The following CPNE4 variants were observed in gnomAD, a reference collection of about 807,000 sequenced individuals.
CPNE4 encodes the protein copine-4.
In CPNE4, 25 loss-of-function variants were observed where a neutral mutation model predicts 67.9. That is an observed-to-expected ratio of 0.37 (90% CI 0.27 to 0.51). The LOEUF (loss-of-function observed/expected upper bound fraction) is 0.51, where lower values mean the gene tolerates loss of function less well. Ranked by LOEUF, CPNE4 falls within the 20% of genes least tolerant of loss-of-function variation. CPNE4 has a pLI of 0.93. For synonymous variants in CPNE4, 242 were observed against 244.9 expected, an observed-to-expected ratio of 0.99 and a Z score of 0.11; for missense variants, 464 against 690.8, an observed-to-expected ratio of 0.67 and a Z score of 3.68.
chr3:131,937,964 T>A (rs975351907), intron 1 of CPNE4, among the ~76,000 whole-genome samples: 7 of 152,078 alleles, frequency 4.6e-5, no homozygotes, highest in Non-Finnish European at 2.9e-5. Flanking sequence ...AATAAAGGAC[T>A]AAGGGTATTA....
intron 9 of CPNE4, among the ~76,000 whole-genome samples, chr3:131,579,795 T>C (rs1165465028): frequency 2.0e-5 from 3 of 152,212 alleles, no homozygotes; most frequent in Non-Finnish European, 4.4e-5. Flanking sequence ...CTTGAATGGA[T>C]GAGGAGTTAA....
intron 10 of CPNE4, among the ~76,000 whole-genome samples, chr3:131,570,137 T>TGAATTA (rs1937258630): frequency 6.6e-6 from 1 of 151,696 alleles, no homozygotes; most frequent in Non-Finnish European, 1.5e-5. Flanking sequence ...ATAATAAATA[T>TGAATTA]CATAGTATTT....
At chr3:131,958,878 T>C (rs1194402963) in intron 1 of CPNE4, among the ~76,000 whole-genome samples, 3 of 150,724 alleles carry the variant, frequency 2.0e-5, no homozygotes, top group African/African-American at 7.3e-5. Context: ...CAGTCCGGTC[T>C]CGAACTCCCG....
chr3:131,711,767 A>T (rs987563027), intron 3 of CPNE4, among the ~76,000 whole-genome samples: 24 of 152,222 alleles, frequency 1.6e-4, no homozygotes, highest in African/African-American at 5.8e-4. Context: ...TTTAAAGTAA[A>T]ACTATTCTCT....
chr3:131,959,999 A>G (rs1267086367), intron 1 of CPNE4, among the ~76,000 whole-genome samples: 1 of 152,224 alleles, frequency 6.6e-6, no homozygotes, highest in East Asian at 1.9e-4. Flanking sequence ...CAGATCATTA[A>G]AATGATGGAA....
At chr3:131,855,947 C>A (rs1016531002) in intron 2 of CPNE4, among the ~76,000 whole-genome samples, 1 of 151,840 alleles carries the variant, frequency 6.6e-6, no homozygotes, top group African/African-American at 2.4e-5. Flanking sequence ...CATATGCCTG[C>A]CTTTCTGAGT....
rs1427660243 is a variant in CPNE4, at chr3:131,905,569, T to C, written c.-1-125A>G. On this transcript the variant is annotated intron_variant, in intron 1 of 15. Coordinates refer to ENST00000429747, the MANE Select transcript of CPNE4 (RefSeq NM_130808.3). ...ACACAGTTTCAAACATTGAAGGTAT[T>C]TATCTCACTTTCCAACCCAGTGACA... 14 of 824,590 alleles carry C rather than the reference T, an allele frequency of 1.7e-5. No individual in the cohort carries two copies. In the South Asian group the frequency reaches 2.3e-4, roughly 13 times the overall value. 51.1% of individuals were successfully genotyped at this position (824,590 alleles called of 1,614,324 possible).
At chr3:131,614,884 T>C (rs1015589148) in intron 7 of CPNE4, among the ~76,000 whole-genome samples, 4 of 152,222 alleles carry the variant, frequency 2.6e-5, no homozygotes, top group African/African-American at 9.7e-5. Flanking sequence ...TATCTTGTTT[T>C]TAATACTCTT....
At chr3:131,832,840 G>A (rs546273981) in intron 2 of CPNE4, among the ~76,000 whole-genome samples, 2 of 152,182 alleles carry the variant, frequency 1.3e-5, no homozygotes, top group African/African-American at 4.8e-5. Flanking sequence ...AGGATGTAAT[G>A]AATGTATTTT....
At chr3:131,762,968 T>C (rs1399169592) in intron 2 of CPNE4, among the ~76,000 whole-genome samples, 2 of 150,900 alleles carry the variant, frequency 1.3e-5, no homozygotes, top group Non-Finnish European at 3.0e-5. Context: ...GAGATTCCCA[T>C]GGGGAAGGAG....
intron 1 of CPNE4, among the ~76,000 whole-genome samples, chr3:131,954,968 G>GA (rs3041609): frequency 0.33 from 45,120 of 137,300 alleles, 7,668 homozygotes; most frequent in Admixed American, 0.51. Flanking sequence ...GTATGCATGT[G>GA]AAAAAAAAAA....
At chr3:131,839,426 T>C (rs1380995778) in intron 2 of CPNE4, among the ~76,000 whole-genome samples, 1 of 151,012 alleles carries the variant, frequency 6.6e-6, no homozygotes, top group Non-Finnish European at 1.5e-5. Context: ...TATCATACAT[T>C]ATATTAAAAT....
chr3:131,819,047 C>T (rs1198854348), intron 2 of CPNE4, among the ~76,000 whole-genome samples: 1 of 152,076 alleles, frequency 6.6e-6, no homozygotes, highest in East Asian at 1.9e-4. Flanking sequence ...TTGCAGTGAG[C>T]GAAGATTGTG....
At chr3:131,855,772 G>T (rs1354061727) in intron 2 of CPNE4, among the ~76,000 whole-genome samples, 2 of 151,820 alleles carry the variant, frequency 1.3e-5, no homozygotes, top group Non-Finnish European at 2.9e-5. Context: ...TTGGGTCTCT[G>T]CTTATAAAGA....
chr3:131,831,592 T>C (rs1446218492), intron 2 of CPNE4, among the ~76,000 whole-genome samples: 1 of 152,096 alleles, frequency 6.6e-6, no homozygotes, highest in Non-Finnish European at 1.5e-5. Context: ...ATGTTGAAAA[T>C]GAAGAACACA....
At chr3:131,904,843 C>T (rs372945196) in intron 2 of CPNE4, among the ~76,000 whole-genome samples, 46 of 152,176 alleles carry the variant, frequency 3.0e-4, no homozygotes, top group Non-Finnish European at 4.4e-4. Context: ...CTACCATTCC[C>T]AAAATTCTTA....
intron 1 of CPNE4, among the ~76,000 whole-genome samples, chr3:131,980,356 A>G (rs2072874739): frequency 6.6e-6 from 1 of 152,152 alleles, no homozygotes; most frequent in Admixed American, 6.6e-5. Context: ...ATTGTTTAAC[A>G]TAATCCCAGA....
intron 7 of CPNE4, among the ~76,000 whole-genome samples, chr3:131,591,188 T>A (rs1342017645): frequency 6.6e-6 from 1 of 152,172 alleles, no homozygotes; most frequent in Non-Finnish European, 1.5e-5. Context: ...AAGAGTGGTT[T>A]CTGGGCCCTT....
chr3:131,999,408 A>C (rs146599631), intron 1 of CPNE4, among the ~76,000 whole-genome samples: 6 of 152,048 alleles, frequency 3.9e-5, no homozygotes, highest in African/African-American at 1.4e-4. Flanking sequence ...AGTAACATAG[A>C]TGAATCTCAA....
Sources: gnomAD v4.1 joint callset for allele counts (sites outside exome capture counted in the v4.1 genomes callset) on GRCh38, gnomAD v4.1.1 for gene constraint, MANE v1.5 for transcripts, NCBI Gene and HGNC (gene_info 2026-07-23, HGNC 2026-07-21) for gene names.